PTPRM: variants seen among roughly 807,000 people sequenced by gnomAD.
PTPRM encodes the protein receptor-type tyrosine-protein phosphatase mu.
A neutral mutation model predicts 186.7 loss-of-function variants in PTPRM; 47 were observed. The observed-to-expected ratio is 0.25, with a 90% CI of 0.20 to 0.32. PTPRM has a LOEUF of 0.32. Among genes scored for constraint, PTPRM ranks in the 10% least tolerant of loss-of-function variants. The pLI, the probability that PTPRM is intolerant of heterozygous loss-of-function variation, is 1.00. For synonymous variants in PTPRM, 668 were observed against 674.9 expected (o/e 0.99, Z 0.16); for missense variants, 1,494 against 1,865.0 (o/e 0.80, Z 3.66).
intron 3 of PTPRM, among the ~76,000 whole-genome samples, chr18:7,896,482 T>A (rs1335147588): frequency 6.6e-6 from 1 of 152,122 alleles, no homozygotes; most frequent in Admixed American, 6.5e-5. Context: ...GAGGCAGTGA[T>A]CTTTGATATA....
In PTPRM at chr18:8,082,884, C is replaced by A. The variant is rs574476762; in HGVS notation, c.1552-2787C>A. Among the ~76,000 whole-genome samples, 3 of 152,208 alleles carry A rather than the reference C, an allele frequency of 2.0e-5. No homozygotes were observed. The South Asian group carries it at 6.2e-4, about 32-fold the overall frequency. ...GTCCACCTGTGTCTGTAAATTTCTC[C>A]TCATATGTTCCATTCTTTTCGATAC... is the stretch of plus-strand genomic sequence containing the variant. On this transcript the variant is annotated intron_variant, in intron 9 of 32. Coordinates refer to ENST00000580170, the MANE Select transcript of PTPRM (RefSeq NM_001105244.2).
intron 1 of PTPRM, among the ~76,000 whole-genome samples, chr18:7,681,509 C>A (rs1488983986): frequency 6.6e-6 from 1 of 151,794 alleles, no homozygotes; most frequent in African/African-American, 2.4e-5. Context: ...TTTTTAGCAT[C>A]AGTTCGTTGA....
At chr18:7,958,412 A>T (rs1031069159) in intron 7 of PTPRM, among the ~76,000 whole-genome samples, 18 of 152,120 alleles carry the variant, frequency 1.2e-4, no homozygotes, top group African/African-American at 4.1e-4. Flanking sequence ...ATAGGAAAGG[A>T]TGTGGAACCT....
At chr18:7,717,963 G>A (rs2040373449) in intron 1 of PTPRM, among the ~76,000 whole-genome samples, 1 of 152,062 alleles carries the variant, frequency 6.6e-6, no homozygotes. Context: ...AGAGTGGCGG[G>A]CTAAGTAAAC....
chr18:8,178,344 T>C (rs2093517874), intron 14 of PTPRM, among the ~76,000 whole-genome samples: 1 of 152,190 alleles, frequency 6.6e-6, no homozygotes. Context: ...ACAATTTTTC[T>C]CCCTCCAATC....
At chr18:7,841,589 T>C (rs1319558727) in intron 2 of PTPRM, among the ~76,000 whole-genome samples, 1 of 152,172 alleles carries the variant, frequency 6.6e-6, no homozygotes, top group Non-Finnish European at 1.5e-5. Flanking sequence ...CCACCACGCC[T>C]GGCCCAAATC....
chr18:7,793,559 C>T (rs1420106365), intron 2 of PTPRM, among the ~76,000 whole-genome samples: 6 of 152,198 alleles, frequency 3.9e-5, no homozygotes, highest in Non-Finnish European at 8.8e-5. Context: ...TCTCCATGCA[C>T]AGTGTACTTG....
chr18:7,961,931 A>G (rs550553922), intron 7 of PTPRM, among the ~76,000 whole-genome samples: 6 of 152,322 alleles, frequency 3.9e-5, no homozygotes, highest in Admixed American at 3.9e-4. Context: ...AACTTGGAAT[A>G]TGTATTACAT....
chr18:8,166,238 C>T (rs879533432), intron 14 of PTPRM, among the ~76,000 whole-genome samples: 5 of 152,146 alleles, frequency 3.3e-5, no homozygotes, highest in Admixed American at 6.5e-5. Context: ...CCAACCTATG[C>T]GCTTTACGTC....
intron 7 of PTPRM, among the ~76,000 whole-genome samples, chr18:7,976,767 G>A (rs1392596216): frequency 2.6e-5 from 4 of 152,174 alleles, no homozygotes; most frequent in African/African-American, 9.7e-5. Context: ...GCAACTGACA[G>A]TGGCCAGTAT....
intron 1 of PTPRM, among the ~76,000 whole-genome samples, chr18:7,581,796 G>A (rs907777545): frequency 6.6e-6 from 1 of 151,246 alleles, no homozygotes; most frequent in African/African-American, 2.4e-5. Context: ...GGACTCCCAA[G>A]CAGCATGCGG....
chr18:8,135,130 A>C (rs1244633969), intron 13 of PTPRM, among the ~76,000 whole-genome samples: 1 of 152,188 alleles, frequency 6.6e-6, no homozygotes, highest in Non-Finnish European at 1.5e-5. Context: ...GCAGTTGATC[A>C]ATATACTTTA....
At chr18:8,063,685 T>C (rs2088815585) in intron 7 of PTPRM, among the ~76,000 whole-genome samples, 1 of 152,156 alleles carries the variant, frequency 6.6e-6, no homozygotes, top group Non-Finnish European at 1.5e-5. Flanking sequence ...AATATGGATA[T>C]ATGGCGTAGT....
At chr18:8,108,216 AT>A (rs1214277666) in intron 11 of PTPRM, among the ~76,000 whole-genome samples, 1 of 152,120 alleles carries the variant, frequency 6.6e-6, no homozygotes, top group Non-Finnish European at 1.5e-5. Flanking sequence ...TACATATATA[AT>A]GGATGGTTTT....
At chr18:8,256,037 T>C (rs1365546066) in intron 19 of PTPRM, among the ~76,000 whole-genome samples, 2 of 152,242 alleles carry the variant, frequency 1.3e-5, no homozygotes, top group South Asian at 4.1e-4. Context: ...GTTATTCTCA[T>C]GAGAATCTGG....
intron 1 of PTPRM, among the ~76,000 whole-genome samples, chr18:7,632,791 A>C (rs2038222170): frequency 6.6e-6 from 1 of 152,226 alleles, no homozygotes; most frequent in Admixed American, 6.5e-5. Context: ...CGTGCTGTTT[A>C]CTGTAGGAAT....
At chr18:8,340,070 C>A (rs1343165817) in intron 22 of PTPRM, among the ~76,000 whole-genome samples, 1 of 152,136 alleles carries the variant, frequency 6.6e-6, no homozygotes. Flanking sequence ...AGTGCCCACC[C>A]CTGAGCAATT....
At chr18:8,016,476 T>A (rs2084869389) in intron 7 of PTPRM, among the ~76,000 whole-genome samples, 1 of 142,454 alleles carries the variant, frequency 7.0e-6, no homozygotes, top group Non-Finnish European at 1.5e-5. Flanking sequence ...GAGGTTGCAG[T>A]GAGCCAAGAT....
chr18:8,153,547 G>A (rs2093057833), intron 14 of PTPRM, among the ~76,000 whole-genome samples: 1 of 152,140 alleles, frequency 6.6e-6, no homozygotes, highest in South Asian at 2.1e-4. Context: ...GAAAAATAGA[G>A]TATATTCTCT....
Sources: allele counts gnomAD v4.1 joint callset (sites outside exome capture counted in the v4.1 genomes callset), GRCh38; gene constraint gnomAD v4.1.1; transcripts MANE v1.5; gene names NCBI Gene and HGNC (gene_info 2026-07-23, HGNC 2026-07-21).